The following ANTXR1 variants were observed in gnomAD, a reference collection of about 807,000 sequenced individuals.
The protein encoded by ANTXR1 is ANTXR cell adhesion molecule 1, also known as anthrax toxin receptor 1.
In ANTXR1, 19 loss-of-function variants were observed where a neutral mutation model predicts 78.1. The observed-to-expected ratio is 0.24, with a 90% CI of 0.17 to 0.36. The LOEUF (loss-of-function observed/expected upper bound fraction) is 0.36, where lower values mean the gene tolerates loss of function less well. Ranked by LOEUF, ANTXR1 falls within the 10% of genes least tolerant of loss-of-function variation. ANTXR1 has a pLI of 1.00. For synonymous variants in ANTXR1, 273 were observed against 260.5 expected (o/e 1.05, Z -0.46); for missense variants, 518 against 718.6 (o/e 0.72, Z 3.19).
chr2:69,068,351 A>G (rs1213889682), intron 3 of ANTXR1, among the ~76,000 whole-genome samples: 1 of 152,256 alleles, frequency 6.6e-6, no homozygotes, highest in Non-Finnish European at 1.5e-5. Flanking sequence ...ATTGTGGGGT[A>G]CCAGGAAAAA....
intron 3 of ANTXR1, among the ~76,000 whole-genome samples, chr2:69,046,175 A>C (rs952037684): frequency 2.6e-5 from 4 of 152,072 alleles, no homozygotes; most frequent in South Asian, 2.1e-4. Flanking sequence ...ACATCCTCCT[A>C]CAACCCGAGG....
At chr2:69,245,201 T>C (rs1277771999) in intron 17 of ANTXR1, 24 bp from the exon 18 acceptor site, 1 of 1,613,824 alleles carries the variant, frequency 6.2e-7, no homozygotes. Flanking sequence ...CGCTCACGTT[T>C]CCTTCTCTCC....
chr2:69,165,735 T>C (rs1409288857), intron 13 of ANTXR1, among the ~76,000 whole-genome samples: 1 of 152,234 alleles, frequency 6.6e-6, no homozygotes, highest in Non-Finnish European at 1.5e-5. Context: ...TGTTGAGAAC[T>C]AGAATGACAG....
In ANTXR1 at chr2:69,075,664, G is replaced by A. The variant is rs776436815; in HGVS notation, c.561+6G>A. Reference sequence around the variant, plus strand: ...AAGATTTCAATGAGACACAGGTATGGTAATGGATTTCCTCAGGTTTGGAGC... The same window carrying A: ...AAGATTTCAATGAGACACAGGTATGATAATGGATTTCCTCAGGTTTGGAGC... On this transcript the variant is annotated splice_donor_region_variant and intron_variant, in intron 7 of 17. Coordinates refer to ENST00000303714, the MANE Select transcript of ANTXR1 (RefSeq NM_032208.3). 6 of 1,613,768 alleles carry A rather than the reference G, an allele frequency of 3.7e-6. No individual in the cohort carries two copies. The Admixed American group carries it at 1.0e-4, about 27-fold the overall frequency.
chr2:69,118,314 G>A (rs1573900407), intron 10 of ANTXR1, among the ~76,000 whole-genome samples: 1 of 151,924 alleles, frequency 6.6e-6, no homozygotes, highest in African/African-American at 2.4e-5. Context: ...GACTAGGGTG[G>A]GGTGGGTGAG....
intron 3 of ANTXR1, among the ~76,000 whole-genome samples, chr2:69,063,315 A>T (rs12479132): frequency 0.15 from 23,366 of 152,068 alleles, 2,570 homozygotes; most frequent in African/African-American, 0.28. Flanking sequence ...AAGCAACATT[A>T]AAAAAATAAC....
chr2:69,227,606 C>T (rs1375632857), intron 17 of ANTXR1, among the ~76,000 whole-genome samples: 1 of 152,110 alleles, frequency 6.6e-6, no homozygotes, highest in Non-Finnish European at 1.5e-5. Context: ...TTTCCCCTCT[C>T]ACATATAACT....
chr2:69,210,042 C>T (rs1414806997), intron 17 of ANTXR1, among the ~76,000 whole-genome samples: 1 of 152,044 alleles, frequency 6.6e-6, no homozygotes, highest in Non-Finnish European at 1.5e-5. Context: ...GGATGAGAGG[C>T]GATGGTGGTA....
chr2:69,222,538 A>G (rs1404672905), intron 17 of ANTXR1, among the ~76,000 whole-genome samples: 1 of 152,228 alleles, frequency 6.6e-6, no homozygotes. Context: ...AAGCAACCCA[A>G]GAAAAATTTC....
intron 17 of ANTXR1, among the ~76,000 whole-genome samples, chr2:69,213,675 G>T (rs1040932218): frequency 2.4e-4 from 37 of 152,338 alleles, no homozygotes; most frequent in African/African-American, 7.7e-4. Flanking sequence ...GCTTGGTGGG[G>T]TCGCCAGACT....
intron 17 of ANTXR1, among the ~76,000 whole-genome samples, chr2:69,208,520 A>G (rs917962755): frequency 3.3e-5 from 5 of 152,266 alleles, no homozygotes; most frequent in African/African-American, 1.2e-4. Flanking sequence ...AGCTGAAATA[A>G]CATTCTACAT....
chr2:69,135,770 A>C (rs903091646), intron 12 of ANTXR1, among the ~76,000 whole-genome samples: 6 of 152,158 alleles, frequency 3.9e-5, no homozygotes, highest in African/African-American at 1.4e-4. Flanking sequence ...AAATTGATAA[A>C]TCCACCATCA....
intron 3 of ANTXR1, among the ~76,000 whole-genome samples, chr2:69,056,987 A>G (rs1208021245): frequency 6.6e-6 from 1 of 152,062 alleles, no homozygotes; most frequent in Admixed American, 6.6e-5. Flanking sequence ...CCGAAACTTT[A>G]TTTTTTAAAT....
At chr2:69,017,219 G>C (rs1671050739) in intron 1 of ANTXR1, among the ~76,000 whole-genome samples, 1 of 152,158 alleles carries the variant, frequency 6.6e-6, no homozygotes, top group Non-Finnish European at 1.5e-5. Flanking sequence ...ACCCCTGGGT[G>C]GTCGCTAAAG....
At chr2:69,086,481 A>G (rs1186029176) in intron 8 of ANTXR1, among the ~76,000 whole-genome samples, 5 of 152,256 alleles carry the variant, frequency 3.3e-5, no homozygotes, top group African/African-American at 9.6e-5. Context: ...ACAAAAGTCA[A>G]CTTACCAGAA....
At chr2:69,146,911 C>T (rs930550610) in intron 12 of ANTXR1, among the ~76,000 whole-genome samples, 1 of 152,246 alleles carries the variant, frequency 6.6e-6, no homozygotes, top group Non-Finnish European at 1.5e-5. Context: ...AGGCCAAGCT[C>T]ACACACCAGT....
intron 9 of ANTXR1, among the ~76,000 whole-genome samples, chr2:69,094,317 T>C (rs12621918): frequency 0.19 from 28,267 of 152,248 alleles, 3,294 homozygotes; most frequent in South Asian, 0.28. Context: ...GTTGATAATG[T>C]CATACCTAGA....
chr2:69,166,089 C>T (rs972320868), intron 13 of ANTXR1, among the ~76,000 whole-genome samples: 7 of 152,224 alleles, frequency 4.6e-5, no homozygotes, highest in Admixed American at 2.0e-4. Flanking sequence ...CTGACTGCAT[C>T]TCCACATCTT....
chr2:69,050,775 CT>C (rs542229874), intron 3 of ANTXR1, among the ~76,000 whole-genome samples: 106 of 152,216 alleles, frequency 7.0e-4, no homozygotes, highest in Non-Finnish European at 8.2e-4. Flanking sequence ...AAAAGCTCTT[CT>C]GTATCTTTGG....
Sources: gnomAD v4.1 joint callset for allele counts (sites outside exome capture counted in the v4.1 genomes callset) on GRCh38, gnomAD v4.1.1 for gene constraint, MANE v1.5 for transcripts, NCBI Gene and HGNC (gene_info 2026-07-23, HGNC 2026-07-21) for gene names.